Variants in AHCYL2 observed in about 807,000 individuals in gnomAD.
The protein encoded by AHCYL2 is S-adenosylhomocysteine hydrolase-like protein 2.
In AHCYL2, 28 loss-of-function variants were observed where a neutral mutation model predicts 81.4. That is an observed-to-expected ratio of 0.34 (90% CI 0.25 to 0.47). AHCYL2 has a LOEUF of 0.47. AHCYL2 is among the 20% of genes least tolerant of loss of function. The pLI is 1.00. For missense variants in AHCYL2, 551 were observed against 785.1 expected (o/e 0.70, Z 3.56); for synonymous variants, 272 against 290.2 (o/e 0.94, Z 0.64).
chr7:129,225,432 T>C lies in AHCYL2; in HGVS notation c.356T>C (p.Val119Ala). The C allele has an allele frequency of 1.3e-6, 2 of 1,511,082 alleles. No individual in the cohort carries two copies. 93.6% of individuals were successfully genotyped at this position (1,511,082 alleles called of 1,614,324 possible). A position where few individuals can be genotyped will look rare whatever the true frequency, so the allele number is the denominator to read the frequency against. ...ACCGTCACCGAGGCGCCGCGCACAG[T>C]CAAGAAGGTACTGGGGCCGGGCTGC... ...DGTVTEAPRT[V>A]KKQIQFADQK... Residue 119 changes from valine to alanine, a missense_variant, in exon 1 of 17, where the codon GTC becomes GCC. Around this residue, in one of 2 missense-constraint regions of AHCYL2, gnomAD observed 235 missense variants for 242.1 expected, o/e 0.97. Transcript: ENST00000325006.
intron 1 of AHCYL2, among the ~76,000 whole-genome samples, chr7:129,256,217 A>T (rs1327052400): frequency 6.6e-6 from 1 of 152,210 alleles, no homozygotes; most frequent in African/African-American, 2.4e-5. Context: ...TAGGACTAGG[A>T]AAAAATAATA....
chr7:129,251,681 C>A (rs1384258877), intron 1 of AHCYL2, among the ~76,000 whole-genome samples: 1 of 152,110 alleles, frequency 6.6e-6, no homozygotes, highest in Non-Finnish European at 1.5e-5. Context: ...TGATTCCCAG[C>A]CTTATTCTCT....
chr7:129,368,537 A>G lies in AHCYL2; in HGVS notation c.364-11101A>G, dbSNP rs867656507. ...TAATGAGGGCACCTCAGCTTTTCAC[A>G]TGCCTGAGTGGATGGTGAGTTCACT... On this transcript the variant is annotated intron_variant, in intron 1 of 16. Transcript: ENST00000325006. This position sits in a 1 kb window ranked among gnomAD's most constrained non-coding sequence, Gnocchi z 4.4. 3 of 1,614,000 alleles carry G rather than the reference A, an allele frequency of 1.9e-6. No homozygotes were observed. Among genetic ancestry groups the G allele is most frequent in the Admixed American group, 1.7e-5 (1 of 60,016 alleles).
chr7:129,317,002 T>C (rs1432850217), intron 1 of AHCYL2, among the ~76,000 whole-genome samples: 3 of 152,202 alleles, frequency 2.0e-5, no homozygotes, highest in Non-Finnish European at 4.4e-5. Context: ...ATAGAGGTGC[T>C]ATATTGTCTT....
chr7:129,311,820 A>AC (rs923752997), intron 1 of AHCYL2, among the ~76,000 whole-genome samples: 1 of 152,136 alleles, frequency 6.6e-6, no homozygotes, highest in African/African-American at 2.4e-5. Context: ...GCTGGAGGGA[A>AC]CTTGTTAAAA....
chr7:129,273,358 C>G (rs968109835), intron 1 of AHCYL2, among the ~76,000 whole-genome samples: 3 of 69,704 alleles, frequency 4.3e-5, no homozygotes, highest in Non-Finnish European at 7.7e-5. Flanking sequence ...GACGGAGTTT[C>G]GCTCTTGTTG....
intron 13 of AHCYL2, chr7:129,424,621 AT>A (rs1382737647): frequency 1.8e-6 from 1 of 550,442 alleles, no homozygotes; most frequent in Non-Finnish European, 3.3e-6. Context: ...CCTCAGTGTC[AT>A]ATGACCATCT....
intron 1 of AHCYL2, among the ~76,000 whole-genome samples, chr7:129,320,068 C>T (rs1008436919): frequency 1.5e-4 from 23 of 152,018 alleles, no homozygotes; most frequent in Admixed American, 1.3e-3. Context: ...ACATTTTAGT[C>T]GTTCTAATGG....
At chr7:129,387,629 TC>T (rs1164321177) in intron 2 of AHCYL2, among the ~76,000 whole-genome samples, 1 of 152,218 alleles carries the variant, frequency 6.6e-6, no homozygotes, top group Non-Finnish European at 1.5e-5. Context: ...GAAGCATGGT[TC>T]CCCTAAGCCT....
chr7:129,345,693 T>G (rs368158857), intron 1 of AHCYL2, among the ~76,000 whole-genome samples: 4 of 151,142 alleles, frequency 2.6e-5, no homozygotes, highest in South Asian at 4.2e-4. Context: ...AAAATGAAAC[T>G]GGGAAAGAGT....
At chr7:129,290,490 GAC>G (rs1796804430) in intron 1 of AHCYL2, among the ~76,000 whole-genome samples, 1 of 143,748 alleles carries the variant, frequency 7.0e-6, no homozygotes. Context: ...GACAGAGTGA[GAC>G]TCTGTCTCAA....
rs1562886106 is a variant in AHCYL2 at position 129,429,888 on chromosome 7, A to C, written c.*2843A>C. On this transcript the variant is annotated 3_prime_UTR_variant, in exon 17 of 17. Transcript: ENST00000325006. ...TGCTCCTGTGGTTTTCTCAAAATTAACTTTGCCGTGGTTTTTAAAAAGGAA... is the reference window on the plus strand; with the variant it reads ...TGCTCCTGTGGTTTTCTCAAAATTACCTTTGCCGTGGTTTTTAAAAAGGAA... The C allele has an allele frequency of 6.6e-6, 1 of 152,540 alleles. No individual in the cohort carries two copies. The highest frequency in any genetic ancestry group is 1.5e-5 in the Non-Finnish European group (1 of 68,024). The allele number at this position is 152,540 out of a possible 1,614,324, so 9.4% of individuals were successfully genotyped here.
chr7:129,321,743 G>GTTTTTTTTTTTTTTTT, intron 1 of AHCYL2, among the ~76,000 whole-genome samples: 15 of 77,620 alleles, frequency 1.9e-4, no homozygotes, highest in East Asian at 8.9e-4. Flanking sequence ...TTCTTTCTTT[G>GTTTTTTTTTTTTTTTT]TTTTTTTTTT....
chr7:129,322,463 A>T (rs1311159924), intron 1 of AHCYL2, among the ~76,000 whole-genome samples: 1 of 152,214 alleles, frequency 6.6e-6, no homozygotes, highest in East Asian at 1.9e-4. Context: ...CACAAATTTA[A>T]TATCTTTAAT....
chr7:129,371,607 G>A (rs1012189697), intron 1 of AHCYL2, among the ~76,000 whole-genome samples: 1 of 152,198 alleles, frequency 6.6e-6, no homozygotes, highest in African/African-American at 2.4e-5. Flanking sequence ...TCCTTTTAAA[G>A]ACTGTCTTTA....
At chr7:129,327,699 G>A (rs959114270) in intron 1 of AHCYL2, among the ~76,000 whole-genome samples, 12 of 152,028 alleles carry the variant, frequency 7.9e-5, no homozygotes, top group African/African-American at 2.7e-4. Flanking sequence ...CTTCTGACCC[G>A]GTGATCCACC....
intron 1 of AHCYL2, among the ~76,000 whole-genome samples, chr7:129,249,425 CT>C (rs374366259): frequency 1.1e-3 from 161 of 147,570 alleles, no homozygotes; most frequent in Non-Finnish European, 1.5e-3. Flanking sequence ...ACATTATCTT[CT>C]TTTTTTTTTT....
At chr7:129,372,823 AAAAG>A (rs763331347) in intron 1 of AHCYL2, among the ~76,000 whole-genome samples, 1 of 152,128 alleles carries the variant, frequency 6.6e-6, no homozygotes, top group Non-Finnish European at 1.5e-5. Flanking sequence ...CCCCCCAAAA[AAAAG>A]AAAGAAAAGA....
intron 1 of AHCYL2, among the ~76,000 whole-genome samples, chr7:129,255,030 A>G (rs1037427890): frequency 2.6e-5 from 4 of 152,140 alleles, no homozygotes; most frequent in African/African-American, 7.2e-5. Flanking sequence ...TGGGAGGCCA[A>G]GGCGGGAGGA....
Sources: allele counts gnomAD v4.1 joint callset (sites outside exome capture counted in the v4.1 genomes callset), GRCh38; gene constraint gnomAD v4.1.1; regional missense constraint gnomAD v4.1.1; non-coding constraint Gnocchi (gnomAD v3.1); transcripts MANE v1.5; gene names NCBI Gene and HGNC (gene_info 2026-07-23, HGNC 2026-07-21).